COL27A1: variants seen among roughly 807,000 people sequenced by gnomAD.
COL27A1 encodes collagen alpha-1(XXVII) chain.
COL27A1 carries 106 observed loss-of-function variants against 251.3 expected under a neutral mutation model. That is an observed-to-expected ratio of 0.42 (90% CI 0.36 to 0.50). The LOEUF is 0.50. Ranked by LOEUF, COL27A1 falls within the 20% of genes least tolerant of loss-of-function variation. The pLI is 0.00. For synonymous variants in COL27A1, 1,000 were observed against 986.3 expected (o/e 1.01, Z -0.26); for missense variants, 2,325 against 2,522.8 (o/e 0.92, Z 1.68).
chr9:114,301,525 C>T (rs56150378), intron 54 of COL27A1, 63 bp downstream of exon 54: 86,954 of 1,563,204 alleles, frequency 0.056, 5,072 homozygotes, highest in East Asian at 0.28. Flanking sequence ...GCATTCTCCT[C>T]CCGGTGGTAC....
chr9:114,237,775 G>A (rs908239115), intron 19 of COL27A1, 60 bp downstream of exon 19: 2 of 1,415,572 alleles, frequency 1.4e-6, no homozygotes, highest in Admixed American at 1.7e-5. Flanking sequence ...TTGTCCTTGG[G>A]AAACTGAGGC....
Position 114,265,451 on chromosome 9 carries a change from C to T in COL27A1, c.3369C>T (p.Gly1123=). Reference sequence around the variant, plus strand: ...TCCCGGGTCCCTCAGGCCCCCCAGGCACCAAGGGCCTCCCAGGAGAACCGG... The same window carrying T: ...TCCCGGGTCCCTCAGGCCCCCCAGGTACCAAGGGCCTCCCAGGAGAACCGG... The part of the protein sequence containing the change: ...PGIPGPSGPP[G]TKGLPGEPGP... The change falls in exon 32 of 61, where the codon GGC becomes GGT. Residue 1123 remains glycine, a synonymous_variant. Coordinates refer to ENST00000356083, the MANE Select transcript of COL27A1 (RefSeq NM_032888.4). The T allele has an allele frequency of 6.2e-7, 1 of 1,613,910 alleles. No homozygotes were observed. The highest frequency in any genetic ancestry group is 8.5e-7 in the Non-Finnish European group (1 of 1,179,948).
In COL27A1 at chr9:114,294,481, G is replaced by A. The variant is rs535703033; in HGVS notation, c.4584+2271G>A. On this transcript the variant is annotated intron_variant, in intron 49 of 60. Transcript: ENST00000356083. ...AGAGGAACCTAAGAATATATAATAA[G>A]GATAATACATCAAGACCAAGTGGAG... Among the ~76,000 whole-genome samples, 5 of 152,094 alleles carry A rather than the reference G, an allele frequency of 3.3e-5. No individual in the cohort carries two copies. The South Asian group carries it at 1.0e-3, about 32-fold the overall frequency.
chr9:114,308,530 C>A (rs1829222384), intron 59 of COL27A1, among the ~76,000 whole-genome samples: 1 of 152,186 alleles, frequency 6.6e-6, no homozygotes, highest in Non-Finnish European at 1.5e-5. Context: ...AGGCCCTGAG[C>A]CAGGACGGGG....
chr9:114,266,516 G>A (rs1348249647), intron 32 of COL27A1, 49 bp from the exon 33 acceptor site: 1 of 1,550,170 alleles, frequency 6.5e-7, no homozygotes, highest in Admixed American at 1.7e-5. Context: ...TCCCAAAGAG[G>A]GCCCAGGCTG....
At position 114,311,050 on chromosome 9, in the gene COL27A1, C is replaced by A. The variant is rs1445594909; in HGVS notation, c.*355C>A. 4 of 227,662 alleles carry A rather than the reference C, an allele frequency of 1.8e-5. No individual in the cohort carries two copies. In the East Asian group the frequency reaches 2.9e-4, roughly 16 times the overall value. The allele number at this position is 227,662 out of a possible 1,614,324, so 14.1% of individuals were successfully genotyped here. A position where few individuals can be genotyped will look rare whatever the true frequency, so the allele number is the denominator to read the frequency against. On this transcript the variant is annotated 3_prime_UTR_variant, in exon 61 of 61. Transcript: ENST00000356083. ...TTCAAGCCAACTTGAGGGAAGGGGG[C>A]GTCTCGTCAGCTGGTCCCTGCTAGG...
chr9:114,268,772 CA>C, intron 34 of COL27A1: 1 of 153,642 alleles, frequency 6.5e-6, no homozygotes, highest in Non-Finnish European at 1.4e-5. Context: ...CCCATCTCTA[CA>C]AAAAATTTAA....
At chr9:114,299,061 A>G (rs1419815137) in intron 49 of COL27A1, among the ~76,000 whole-genome samples, 1 of 152,186 alleles carries the variant, frequency 6.6e-6, no homozygotes, top group Non-Finnish European at 1.5e-5. Flanking sequence ...CCAATAGCTC[A>G]ATAAAGCTAT....
At chr9:114,298,612 T>C (rs1445430448) in intron 49 of COL27A1, among the ~76,000 whole-genome samples, 2 of 152,170 alleles carry the variant, frequency 1.3e-5, no homozygotes, top group African/African-American at 4.8e-5. Context: ...AGAGAAGTAA[T>C]TTGGACCTCT....
At chr9:114,202,403 G>T (rs771636809) in intron 7 of COL27A1, among the ~76,000 whole-genome samples, 2 of 152,166 alleles carry the variant, frequency 1.3e-5, no homozygotes, top group Non-Finnish European at 2.9e-5. Flanking sequence ...GTGAGCTTCA[G>T]AGAGGATAAT....
At chr9:114,167,010 G>A (rs748442827) in intron 2 of COL27A1, among the ~76,000 whole-genome samples, 7 of 152,062 alleles carry the variant, frequency 4.6e-5, no homozygotes, top group African/African-American at 9.7e-5. Flanking sequence ...GAGACACCTC[G>A]GGAGTGGGAA....
At chr9:114,249,964 C>T (rs899491549) in intron 24 of COL27A1, among the ~76,000 whole-genome samples, 8 of 152,178 alleles carry the variant, frequency 5.3e-5, no homozygotes, top group South Asian at 2.1e-4. Flanking sequence ...ACCCTCGCTG[C>T]GCGTGTGCGT....
Position 114,168,142 on chromosome 9 carries a change from C to T in COL27A1, c.587C>T (p.Ser196Phe). The T allele has an allele frequency of 6.2e-7, 1 of 1,613,306 alleles. No homozygotes were observed. The highest frequency in any genetic ancestry group is 2.2e-5 in the East Asian group (1 of 44,874). The change falls in exon 3 of 61, where the codon TCC becomes TTC. Residue 196 changes from serine to phenylalanine, a missense_variant. Ser to Phe is a radical substitution (Grantham distance 155, BLOSUM62 -2). Transcript: ENST00000356083. ...HRDPALDPGG[S>F]FLFGKMNPHA... ...GACCCTGCACTCGACCCTGGGGGCT[C>T]CTTCCTCTTTGGGAAGATGAACCCG...
At position 114,275,793 on chromosome 9, in the gene COL27A1, G is replaced by A. The variant is rs75872824; in HGVS notation, c.3717+25G>A. The A allele has an allele frequency of 4.8e-3, 7,052 of 1,468,994 alleles. 289 individuals are homozygous for A. The African/African-American group carries it at 0.084, about 18-fold the overall frequency. 91.0% of individuals were successfully genotyped at this position (1,468,994 alleles called of 1,614,324 possible). A position where few individuals can be genotyped will look rare whatever the true frequency, so the allele number is the denominator to read the frequency against. ...GGTGAGTGTGCAGGCCCCTTGCAGC[G>A]CCTGGAGCTCTGGGGTACCCTGAAC... On this transcript the variant is annotated intron_variant, in intron 37 of 60. Coordinates refer to ENST00000356083, the MANE Select transcript of COL27A1 (RefSeq NM_032888.4).
At chr9:114,189,885 A>G (rs1828628114) in intron 5 of COL27A1, among the ~76,000 whole-genome samples, 2 of 152,128 alleles carry the variant, frequency 1.3e-5, no homozygotes, top group South Asian at 4.1e-4. Flanking sequence ...TATTAATTCT[A>G]TTAGTATTTC....
chr9:114,303,950 G>A (rs1828848685), intron 56 of COL27A1, among the ~76,000 whole-genome samples: 2 of 152,242 alleles, frequency 1.3e-5, no homozygotes, highest in African/African-American at 4.8e-5. Flanking sequence ...ACATCTATAG[G>A]ATGAGTCTAG....
chr9:114,183,064 C>T lies in COL27A1; in HGVS notation c.2005C>T (p.Pro669Ser). The change falls in exon 5 of 61, where the codon CCT (proline) becomes TCT (serine). Residue 669 changes from proline (P) to serine (S), a missense_variant. Physicochemically the swap from Pro to Ser is moderately conservative, Grantham distance 74 (BLOSUM62 -1). This residue lies in a region of COL27A1 where 1,183 missense variants were observed against 1,144.1 expected (regional missense o/e 1.03). Transcript: ENST00000356083. ...TGGAAATCCAGGTCTCCCCGGCCCT[C>T]CTGGAGCCAAAGTGAGTATTTGCTG... Reference protein sequence around the residue: ...PYGNPGLPGPPGAKGQKGDPG... With the variant: ...PYGNPGLPGPSGAKGQKGDPG... 6.2e-7 allele frequency: 1 copy of T among 1,613,308 alleles called. No individual in the cohort carries two copies. Among genetic ancestry groups the T allele is most frequent in the South Asian group, 1.1e-5 (1 of 91,004 alleles).
At chr9:114,296,897 A>G (rs1828293696) in intron 49 of COL27A1, among the ~76,000 whole-genome samples, 1 of 152,258 alleles carries the variant, frequency 6.6e-6, no homozygotes, top group African/African-American at 2.4e-5. Flanking sequence ...AATATATGCA[A>G]CAACATAAGA....
chr9:114,213,728 C>A (rs760762908), intron 12 of COL27A1, among the ~76,000 whole-genome samples: 20 of 152,184 alleles, frequency 1.3e-4, no homozygotes, highest in Non-Finnish European at 2.6e-4. Context: ...TCCCAGTGAA[C>A]CTTTAAGGCA....
Sources: allele counts gnomAD v4.1 joint callset (sites outside exome capture counted in the v4.1 genomes callset), GRCh38; gene constraint gnomAD v4.1.1; regional missense constraint gnomAD v4.1.1; transcripts MANE v1.5; gene names NCBI Gene and HGNC (gene_info 2026-07-23, HGNC 2026-07-21).